CDH12: variants seen among roughly 807,000 people sequenced by gnomAD.
CDH12 encodes cadherin-12.
Under a neutral mutation model 74.1 loss-of-function variants are expected in CDH12, and 41 were observed. That is an observed-to-expected ratio of 0.55 (90% CI 0.43 to 0.72). The LOEUF (loss-of-function observed/expected upper bound fraction) is 0.72, where lower values mean the gene tolerates loss of function less well. CDH12 is among the 30% of genes least tolerant of loss of function. CDH12 has a pLI of 0.00. For synonymous variants in CDH12, 399 were observed against 355.0 expected, an observed-to-expected ratio of 1.12 and a Z score of -1.39; for missense variants, 945 against 977.2, an observed-to-expected ratio of 0.97 and a Z score of 0.44.
intron 4 of CDH12, among the ~76,000 whole-genome samples, chr5:22,161,746 G>GC (rs1748366911): frequency 3.6e-5 from 1 of 28,060 alleles, no homozygotes. Context: ...GAGAGAGGGA[G>GC]GGGGGAAAAG....
intron 4 of CDH12, among the ~76,000 whole-genome samples, chr5:22,192,989 A>G (rs1225248126): frequency 6.6e-6 from 1 of 152,146 alleles, no homozygotes; most frequent in Non-Finnish European, 1.5e-5. Flanking sequence ...AGGAAGTCGG[A>G]AAAAAACTGA....
intron 4 of CDH12, among the ~76,000 whole-genome samples, chr5:22,145,556 CT>C (rs1747103820): frequency 6.6e-6 from 1 of 152,052 alleles, no homozygotes; most frequent in Non-Finnish European, 1.5e-5. Context: ...TAATTGTTAA[CT>C]CTTCCAAAGA....
chr5:21,788,919 T>G (rs868811785), intron 10 of CDH12, among the ~76,000 whole-genome samples: 17 of 152,166 alleles, frequency 1.1e-4, no homozygotes, highest in Middle Eastern at 3.4e-3. Flanking sequence ...TGCCATTTTA[T>G]TTTTAGGTTT....
chr5:22,265,916 AAATTCTTT>A (rs1351617931), intron 3 of CDH12, among the ~76,000 whole-genome samples: 1 of 152,138 alleles, frequency 6.6e-6, no homozygotes, highest in African/African-American at 2.4e-5. Flanking sequence ...AGCCACTCAA[AAATTCTTT>A]TAGTCTCTGG....
chr5:21,883,429 G>A, intron 6 of CDH12: 1 of 1,589,338 alleles, frequency 6.3e-7, no homozygotes, highest in Non-Finnish European at 8.6e-7. Flanking sequence ...GATGTTGATG[G>A]AGAAGCTCTA....
chr5:22,119,130 G>T (rs910174793), intron 4 of CDH12, among the ~76,000 whole-genome samples: 5 of 152,158 alleles, frequency 3.3e-5, no homozygotes, highest in African/African-American at 1.2e-4. Flanking sequence ...TGCAGATTTC[G>T]TTGTCAGGAG....
intron 6 of CDH12, among the ~76,000 whole-genome samples, chr5:21,971,965 T>C (rs1356987972): frequency 7.9e-5 from 12 of 152,182 alleles, no homozygotes; most frequent in South Asian, 2.1e-4. Flanking sequence ...AAATTAAATA[T>C]ATTCCACAGT....
intron 4 of CDH12, among the ~76,000 whole-genome samples, chr5:22,088,812 T>G (rs1465954457): frequency 6.6e-6 from 1 of 152,052 alleles, no homozygotes; most frequent in Non-Finnish European, 1.5e-5. Context: ...TGGAAATTGG[T>G]AAGGTAATTT....
chr5:22,234,801 A>G (rs937682583), intron 3 of CDH12, among the ~76,000 whole-genome samples: 7 of 152,134 alleles, frequency 4.6e-5, no homozygotes, highest in African/African-American at 1.4e-4. Context: ...TCAGATGCCC[A>G]TAAAACACAC....
At chr5:21,834,623 C>G (rs149434684) in intron 8 of CDH12, among the ~76,000 whole-genome samples, 115 of 152,028 alleles carry the variant, frequency 7.6e-4, no homozygotes, top group Non-Finnish European at 1.4e-3. Context: ...ACCAGTACTA[C>G]ACTTTAGAAA....
chr5:22,650,584 A>G (rs1473626892), intron 1 of CDH12, among the ~76,000 whole-genome samples: 1 of 152,120 alleles, frequency 6.6e-6, no homozygotes, highest in Non-Finnish European at 1.5e-5. Context: ...GTAGGCATTT[A>G]GAAGTTAGAA....
chr5:21,872,433 G>A (rs756969279), intron 6 of CDH12, among the ~76,000 whole-genome samples: 29 of 152,074 alleles, frequency 1.9e-4, no homozygotes, highest in Non-Finnish European at 2.9e-4. Flanking sequence ...TAATGCCTGC[G>A]TCCAGTGACA....
At chr5:21,870,248 C>G (rs987016209) in intron 6 of CDH12, among the ~76,000 whole-genome samples, 21 of 151,976 alleles carry the variant, frequency 1.4e-4, no homozygotes, top group Non-Finnish European at 2.5e-4. Context: ...TGAAAATGGT[C>G]TAATACACCT....
At chr5:22,674,605 T>C (rs1226025481) in intron 1 of CDH12, among the ~76,000 whole-genome samples, 5 of 152,128 alleles carry the variant, frequency 3.3e-5, no homozygotes, top group African/African-American at 1.2e-4. Flanking sequence ...TGGAACAGTT[T>C]GGAGGGCTCA....
chr5:21,973,555 C>A (rs971004146), intron 6 of CDH12, among the ~76,000 whole-genome samples: 3 of 152,216 alleles, frequency 2.0e-5, no homozygotes, highest in African/African-American at 7.2e-5. Flanking sequence ...ATTGTTTTAT[C>A]CAAGGAGACG....
intron 1 of CDH12, among the ~76,000 whole-genome samples, chr5:22,689,531 T>C (rs1305916366): frequency 6.6e-6 from 1 of 152,180 alleles, no homozygotes; most frequent in South Asian, 2.1e-4. Flanking sequence ...CCACAGTAAG[T>C]GCAAATACAT....
chr5:21,853,394 G>A (rs558537097), intron 7 of CDH12, among the ~76,000 whole-genome samples: 1 of 151,620 alleles, frequency 6.6e-6, no homozygotes, highest in East Asian at 1.9e-4. Context: ...GACTGATGCT[G>A]TCCTTATTAA....
chr5:21,806,924 C>T (rs1747458358), intron 9 of CDH12, among the ~76,000 whole-genome samples: 1 of 152,100 alleles, frequency 6.6e-6, no homozygotes. Context: ...TGGTCCTGGG[C>T]CAAAACCATG....
chr5:22,710,505 G>A (rs1743232926), intron 1 of CDH12, among the ~76,000 whole-genome samples: 1 of 152,138 alleles, frequency 6.6e-6, no homozygotes, highest in East Asian at 1.9e-4. Context: ...ATGTGCAAAT[G>A]AGTTGGTTTT....
Sources: gnomAD v4.1 joint callset for allele counts (sites outside exome capture counted in the v4.1 genomes callset) on GRCh38, gnomAD v4.1.1 for gene constraint, MANE v1.5 for transcripts, NCBI Gene and HGNC (gene_info 2026-07-23, HGNC 2026-07-21) for gene names.